HMGCLL1: variants seen among roughly 807,000 people sequenced by gnomAD.
HMGCLL1 encodes the protein 3-hydroxy-3-methylglutaryl-CoA lyase like 1.
A neutral mutation model predicts 39.1 loss-of-function variants in HMGCLL1; 36 were observed. That is an observed-to-expected ratio of 0.92 (90% confidence interval 0.71 to 1.22). HMGCLL1 has a LOEUF of 1.22. Among genes scored for constraint, HMGCLL1 ranks in the 50% most tolerant of loss-of-function variants. The pLI is 0.00. For synonymous variants in HMGCLL1, 149 were observed against 144.0 expected, an observed-to-expected ratio of 1.03 and a Z score of -0.25; for missense variants, 451 against 416.5, an observed-to-expected ratio of 1.08 and a Z score of -0.72.
the HMGCLL1 span, among the ~76,000 whole-genome samples, chr6:55,637,789 G>A: frequency 6.6e-6 from 1 of 150,712 alleles, no homozygotes; most frequent in Admixed American, 6.7e-5. Context: ...GCATTAAATT[G>A]ATATCATAGA....
the HMGCLL1 span, among the ~76,000 whole-genome samples, chr6:55,627,893 A>ACT: frequency 3.0e-5 from 1 of 33,426 alleles, no homozygotes; most frequent in African/African-American, 1.5e-4. Context: ...ATATATATAT[A>ACT]TATATAGTAT....
At chr6:55,445,753 CTTTGT>C (rs1448732563) in intron 7 of HMGCLL1, among the ~76,000 whole-genome samples, 4 of 151,906 alleles carry the variant, frequency 2.6e-5, no homozygotes, top group African/African-American at 7.2e-5. Flanking sequence ...AACAGTTATT[CTTTGT>C]TTTGTCTATT....
chr6:55,657,526 T>C, the HMGCLL1 span, among the ~76,000 whole-genome samples: 1 of 151,992 alleles, frequency 6.6e-6, no homozygotes, highest in Non-Finnish European at 1.5e-5. Context: ...GAATTCTCTA[T>C]TTTGTTCCAT....
At chr6:55,616,824 AT>A in the HMGCLL1 span, among the ~76,000 whole-genome samples, 1 of 152,066 alleles carries the variant, frequency 6.6e-6, no homozygotes, top group East Asian at 1.9e-4. Context: ...AAACTTAGTT[AT>A]GTCTTTAGAG....
chr6:55,452,384 C>T (rs1370548267), intron 7 of HMGCLL1, among the ~76,000 whole-genome samples: 3 of 152,072 alleles, frequency 2.0e-5, no homozygotes, highest in Non-Finnish European at 4.4e-5. Context: ...AACTGTGGAC[C>T]AGTAACTTTT....
At chr6:55,513,937 AT>A in intron 5 of HMGCLL1, 110 bp downstream of exon 5, 1 of 909,840 alleles carries the variant, frequency 1.1e-6, no homozygotes. Flanking sequence ...AAATAGAAAT[AT>A]GATATTCTAT....
At chr6:55,589,789 A>G in the HMGCLL1 span, among the ~76,000 whole-genome samples, 1 of 152,072 alleles carries the variant, frequency 6.6e-6, no homozygotes, top group East Asian at 1.9e-4. Flanking sequence ...TCATGAGTGA[A>G]CTCCCATTCA....
chr6:55,606,303 C>T, the HMGCLL1 span, among the ~76,000 whole-genome samples: 20 of 152,164 alleles, frequency 1.3e-4, no homozygotes, highest in South Asian at 3.5e-3. Flanking sequence ...CGACATATAT[C>T]CATTATTGGG....
intron 7 of HMGCLL1, among the ~76,000 whole-genome samples, chr6:55,477,809 G>T (rs889830584): frequency 6.7e-6 from 1 of 150,296 alleles, no homozygotes; most frequent in Admixed American, 6.7e-5. Context: ...AGTAAATTTG[G>T]TTTACTGTTT....
chr6:55,478,051 G>T (rs1198862033), intron 7 of HMGCLL1, among the ~76,000 whole-genome samples: 2 of 147,924 alleles, frequency 1.4e-5, no homozygotes, highest in Non-Finnish European at 3.0e-5. Flanking sequence ...TTTTTATTGT[G>T]GAAAAATATG....
In HMGCLL1 at chr6:55,541,784, G is replaced by C. The variant is rs781103945; in HGVS notation, c.242C>G (p.Thr81Ser). ...KIEFINRLSQ[T>S]GLSVIEVTSF... ...AGTCACTTCTATTACAGACAAGCCA[G>C]TTTGGGAAAGTCGATTGATAAATTC... Residue 81 changes from threonine to serine, a missense_variant, in exon 3 of 9, where the codon ACT becomes AGT. Transcript: ENST00000274901. 2 of 1,610,206 alleles carry C rather than the reference G, an allele frequency of 1.2e-6. No individual in the cohort carries two copies. Among genetic ancestry groups the C allele is most frequent in the Admixed American group, 3.4e-5 (2 of 59,624 alleles).
chr6:55,527,220 T>C (rs956466449), intron 3 of HMGCLL1, among the ~76,000 whole-genome samples: 1 of 152,092 alleles, frequency 6.6e-6, no homozygotes, highest in Non-Finnish European at 1.5e-5. Context: ...CTGAACAGTC[T>C]TGTGGCATAT....
In HMGCLL1 at chr6:55,574,709, A is replaced by G. The variant is rs182625370; in HGVS notation, c.108+4239T>C. On this transcript the variant is annotated intron_variant, in intron 1 of 8. Coordinates refer to ENST00000274901, the MANE Select transcript of HMGCLL1 (RefSeq NM_001042406.2). ...AAAATTCCTCCTCAATCATCCTAAA[A>G]TATTTAGTAAATGTACTAACAACTA... Among the ~76,000 whole-genome samples, 403 of 152,062 alleles carry G rather than the reference A, an allele frequency of 2.7e-3. 2 individuals carry two copies. The highest frequency in any genetic ancestry group is 9.3e-3 in the African/African-American group (387 of 41,558).
chr6:55,566,509 G>A (rs1238531982), intron 1 of HMGCLL1: 12 of 413,122 alleles, frequency 2.9e-5, no homozygotes, highest in Non-Finnish European at 5.4e-5. Flanking sequence ...CTTACTATTG[G>A]TGGAAAAAAG....
intron 7 of HMGCLL1, among the ~76,000 whole-genome samples, chr6:55,448,417 G>A (rs1763948819): frequency 6.6e-6 from 1 of 150,644 alleles, no homozygotes; most frequent in Non-Finnish European, 1.5e-5. Flanking sequence ...TAAAAGAAAA[G>A]GATACTAACT....
intron 4 of HMGCLL1, among the ~76,000 whole-genome samples, chr6:55,515,718 T>C (rs1424465755): frequency 2.0e-5 from 3 of 152,168 alleles, no homozygotes; most frequent in African/African-American, 4.8e-5. Flanking sequence ...CCAATATTTA[T>C]AATTTTTAAA....
At chr6:55,584,079 A>C (rs1772029295), upstream of HMGCLL1, among the ~76,000 whole-genome samples, 1 of 152,062 alleles carries the variant, frequency 6.6e-6, no homozygotes, top group Non-Finnish European at 1.5e-5. Context: ...AAGACCTCAG[A>C]TCCTGACTAG....
intron 7 of HMGCLL1, among the ~76,000 whole-genome samples, chr6:55,461,330 T>C (rs1403496022): frequency 6.6e-6 from 1 of 151,956 alleles, no homozygotes; most frequent in African/African-American, 2.4e-5. Flanking sequence ...ACAGTACTTT[T>C]AAAGTTTAAA....
At chr6:55,649,418 C>G in the HMGCLL1 span, among the ~76,000 whole-genome samples, 73 of 151,208 alleles carry the variant, frequency 4.8e-4, 5 homozygotes, top group South Asian at 0.015. Flanking sequence ...TGACATGCCA[C>G]TCTCTCCCGT....
Sources: gnomAD v4.1 joint callset for allele counts (sites outside exome capture counted in the v4.1 genomes callset) on GRCh38, gnomAD v4.1.1 for gene constraint, MANE v1.5 for transcripts, NCBI Gene and HGNC (gene_info 2026-07-23, HGNC 2026-07-21) for gene names.